Variants in REST observed in about 807,000 individuals in gnomAD.
REST encodes RE1-silencing transcription factor.
A neutral mutation model predicts 30.4 loss-of-function variants in REST; 1 was observed. The ratio of observed to expected loss-of-function variants is 0.03; its 90% confidence interval spans 0.01 to 0.16. REST has a LOEUF of 0.16. Among genes scored for constraint, REST ranks in the 10% least tolerant of loss-of-function variants. The pLI is 1.00. For missense variants in REST, 1,259 were observed against 1,329.5 expected, an observed-to-expected ratio of 0.95 and a Z score of 0.82; for synonymous variants, 504 against 451.1, an observed-to-expected ratio of 1.12 and a Z score of -1.49.
chr4:56,916,482 C>A (rs1720200299), intron 2 of REST, among the ~76,000 whole-genome samples: 2 of 151,878 alleles, frequency 1.3e-5, no homozygotes, highest in African/African-American at 4.8e-5. Flanking sequence ...ATGGTGAAAC[C>A]CTGTCTCTAC....
rs1052615138 is a variant in REST at position 56,932,754 on chromosome 4, T to A, written c.*602T>A. 2.0e-5 allele frequency: 3 copies of A among 152,192 alleles called. No homozygotes were observed. The highest frequency in any genetic ancestry group is 4.4e-5 in the Non-Finnish European group (3 of 68,032). The allele number at this position is 152,192 out of a possible 1,614,324, so 9.4% of individuals were successfully genotyped here. On this transcript the variant is annotated 3_prime_UTR_variant, in exon 4 of 4. Coordinates refer to ENST00000309042, the MANE Select transcript of REST (RefSeq NM_005612.5). ...GATTTTGGTGTGTTTTTTATTTTGGTGCTTTAATGGCTTAAGATGTTGCAC... is the reference window on the plus strand; with the variant it reads ...GATTTTGGTGTGTTTTTTATTTTGGAGCTTTAATGGCTTAAGATGTTGCAC...
intron 3 of REST, among the ~76,000 whole-genome samples, chr4:56,925,730 C>G (rs761583818): frequency 1.3e-5 from 2 of 152,122 alleles, no homozygotes; most frequent in Non-Finnish European, 2.9e-5. Flanking sequence ...ATTAGAAAAT[C>G]TTGATGAATA....
chr4:56,919,923 G>A, intron 3 of REST, 53 bp downstream of exon 3: 1 of 903,214 alleles, frequency 1.1e-6, no homozygotes, highest in Non-Finnish European at 1.7e-6. Context: ...ACCATTTTAA[G>A]GAAATTCTTT....
In REST at chr4:56,931,975, A is replaced by C; in HGVS notation, c.3117A>C (p.Pro1039=). ...GATTGCATGGGGCTCGGCCAGTTCC[A>C]CAAGAATCTAGCAGAAAAAATGCAA... ...DSGLHGARPV[P]QESSRKNAKE... is the part of the protein sequence containing the mutation. The change falls in exon 4 of 4, where the codon CCA becomes CCC. Residue 1039 remains proline, a synonymous_variant. Coordinates refer to ENST00000309042, the MANE Select transcript of REST (RefSeq NM_005612.5). The C allele has an allele frequency of 6.2e-7, 1 of 1,614,252 alleles. No individual in the cohort carries two copies. Among genetic ancestry groups the C allele is most frequent in the South Asian group, 1.1e-5 (1 of 91,086 alleles).
intron 3 of REST, among the ~76,000 whole-genome samples, chr4:56,922,741 A>G (rs540285148): frequency 4.9e-4 from 75 of 152,300 alleles, no homozygotes; most frequent in African/African-American, 1.8e-3. Context: ...TTCCTGTAGA[A>G]TGTCCTTCCT....
At chr4:56,927,170 A>T (rs993746407) in intron 3 of REST, among the ~76,000 whole-genome samples, 5 of 152,124 alleles carry the variant, frequency 3.3e-5, no homozygotes, top group African/African-American at 1.2e-4. Context: ...AGAGTGAGCA[A>T]CTTGCAGAGC....
chr4:56,930,563 A>G lies in REST; in HGVS notation c.1705A>G (p.Lys569Glu). The change falls in exon 4 of 4, where the codon AAA becomes GAA. Residue 569 changes from lysine (K) to glutamate (E), a missense_variant. Physicochemically the swap from Lys to Glu is moderately conservative, Grantham distance 56. This residue lies in a region of REST where 856 missense variants were observed against 772.8 expected (regional missense o/e 1.11). Coordinates refer to ENST00000309042, the MANE Select transcript of REST (RefSeq NM_005612.5). ...PKGDSKVEEN[K>E]KQNTCMKKST... ...GGGTGACAGCAAAGTGGAGGAGAAT[A>G]AAAAGCAAAATACTTGCATGAAAAA... is the stretch of plus-strand genomic sequence containing the variant. 1 of 1,612,046 alleles carries G rather than the reference A, an allele frequency of 6.2e-7. No homozygotes were observed. Among genetic ancestry groups the G allele is most frequent in the Non-Finnish European group, 8.5e-7 (1 of 1,179,588 alleles).
intron 3 of REST, 89 bp from the exon 4 acceptor site, chr4:56,929,751 TG>T (rs1337659466): frequency 1.1e-5 from 13 of 1,151,878 alleles, no homozygotes; most frequent in Admixed American, 2.6e-5. Context: ...AAATAGTCTT[TG>T]TTGTTACTTT....
intron 1 of REST, chr4:56,908,993 C>T (rs1189147800): frequency 6.6e-6 from 1 of 151,580 alleles, no homozygotes; most frequent in East Asian, 1.9e-4. Flanking sequence ...CCGGGGCGGT[C>T]GGAGGGGCCC....
chr4:56,921,489 A>G (rs1037985506), intron 3 of REST, among the ~76,000 whole-genome samples: 1 of 152,004 alleles, frequency 6.6e-6, no homozygotes, highest in Admixed American at 6.6e-5. Context: ...AGCTCACTGC[A>G]ACCTCTGCCT....
At position 56,927,264 on chromosome 4, in the gene REST, C is replaced by T. The variant is rs115180198; in HGVS notation, c.983-2577C>T. ...CCTATCTTTCTACATTCTATGTCCACGTATGTTAAAATGTTTGTCTCCATT... is the reference window on the plus strand; with the variant it reads ...CCTATCTTTCTACATTCTATGTCCATGTATGTTAAAATGTTTGTCTCCATT... On this transcript the variant is annotated intron_variant, in intron 3 of 3. Coordinates refer to ENST00000309042, the MANE Select transcript of REST (RefSeq NM_005612.5). Among the ~76,000 whole-genome samples, 222 of 152,238 alleles carry T rather than the reference C, an allele frequency of 1.5e-3. 1 individual carries two copies. The highest frequency in any genetic ancestry group is 5.1e-3 in the African/African-American group (210 of 41,540).
chr4:56,931,510 C>T lies in REST; in HGVS notation c.2652C>T (p.Asn884=). The change falls in exon 4 of 4, where the codon AAC becomes AAT. Residue 884 remains asparagine, a synonymous_variant. Coordinates refer to ENST00000309042, the MANE Select transcript of REST (RefSeq NM_005612.5). ...CATCAGGAGACCAAAAATTACTCAA[C>T]ACAGGTGAAGGAAATAAAGAAGCCC... ...EEASGDQKLL[N]TGEGNKEAPL... is the part of the protein sequence containing the mutation. 1.2e-6 allele frequency: 2 copies of T among 1,614,158 alleles called. No homozygotes were observed. The highest frequency in any genetic ancestry group is 1.7e-6 in the Non-Finnish European group (2 of 1,180,030).
At chr4:56,928,569 C>G (rs996391758) in intron 3 of REST, among the ~76,000 whole-genome samples, 1 of 151,450 alleles carries the variant, frequency 6.6e-6, no homozygotes, top group African/African-American at 2.4e-5. Flanking sequence ...GTGCACTCCA[C>G]CATGCCTGGC....
At chr4:56,918,395 G>A (rs1720302564) in intron 2 of REST, among the ~76,000 whole-genome samples, 1 of 151,892 alleles carries the variant, frequency 6.6e-6, no homozygotes, top group Admixed American at 6.6e-5. Flanking sequence ...TTAGGAGGCT[G>A]AAGTGGGAGG....
rs1720983581 is a variant in REST at position 56,931,742 on chromosome 4, A to G, written c.2884A>G (p.Ile962Val). 6.2e-7 allele frequency: 1 copy of G among 1,614,260 alleles called. No homozygotes were observed. The highest frequency in any genetic ancestry group is 8.5e-7 in the Non-Finnish European group (1 of 1,180,038). ...DQNTRENLTG[I>V]NSTVEEPVSP... ...GAACACAAGAGAGAATCTCACTGGT[A>G]TAAATTCAACAGTTGAAGAACCAGT... is the stretch of plus-strand genomic sequence containing the variant. The change falls in exon 4 of 4, where the codon ATA becomes GTA. Residue 962 changes from isoleucine to valine, a missense_variant. Transcript: ENST00000309042.
At chr4:56,920,998 T>C (rs1434896587) in intron 3 of REST, among the ~76,000 whole-genome samples, 3 of 152,058 alleles carry the variant, frequency 2.0e-5, no homozygotes, top group Non-Finnish European at 4.4e-5. Context: ...CCTGAATAGC[T>C]GGGATTACAG....
rs572949989 is a variant in REST, at chr4:56,931,956, A to C, written c.3098A>C (p.His1033Pro). The C allele has an allele frequency of 6.2e-7, 1 of 1,614,230 alleles. No individual in the cohort carries two copies. Among genetic ancestry groups the C allele is most frequent in the Non-Finnish European group, 8.5e-7 (1 of 1,180,042 alleles). Residue 1033 changes from histidine (H) to proline (P), a missense_variant, in exon 4 of 4, where the codon CAT becomes CCT. By Grantham distance (77) the His-to-Pro change is moderately conservative. This residue lies in a region of REST where 856 missense variants were observed against 772.8 expected (regional missense o/e 1.11). Coordinates refer to ENST00000309042, the MANE Select transcript of REST (RefSeq NM_005612.5). ...GAGGGTAGTGATGATTCTGGATTGC[A>C]TGGGGCTCGGCCAGTTCCACAAGAA... ...MSEGSDDSGL[H>P]GARPVPQESS... is the part of the protein sequence containing the mutation.
chr4:56,921,504 G>A (rs1049864065), intron 3 of REST, among the ~76,000 whole-genome samples: 1 of 152,188 alleles, frequency 6.6e-6, no homozygotes, highest in African/African-American at 2.4e-5. Context: ...CTGCCTCCGG[G>A]GTTCAAGCAA....
rs367707160 is a variant in REST at position 56,926,073 on chromosome 4, T to C, written c.983-3768T>C. On this transcript the variant is annotated intron_variant, in intron 3 of 3. Transcript: ENST00000309042. ...AGAGTCTTCCCCTTGATTGATCGAT[T>C]GATTGAGATGGAGTCTCACCCTGTC... Among the ~76,000 whole-genome samples, 28 of 152,318 alleles carry C rather than the reference T, an allele frequency of 1.8e-4. No homozygotes were observed. In the East Asian group the frequency reaches 5.0e-3, roughly 27 times the overall value.
Sources: allele counts gnomAD v4.1 joint callset (sites outside exome capture counted in the v4.1 genomes callset), GRCh38; gene constraint gnomAD v4.1.1; regional missense constraint gnomAD v4.1.1; transcripts MANE v1.5; gene names NCBI Gene and HGNC (gene_info 2026-07-23, HGNC 2026-07-21).